RCAN2: variants seen among roughly 807,000 people sequenced by gnomAD.
RCAN2 encodes calcipressin-2.
RCAN2 carries 9 observed loss-of-function variants against 23.6 expected under a neutral mutation model. The observed-to-expected ratio is 0.38, with a 90% CI of 0.23 to 0.67. The LOEUF (loss-of-function observed/expected upper bound fraction) is 0.67, where lower values mean the gene tolerates loss of function less well. RCAN2 is among the 30% of genes least tolerant of loss of function. The pLI is 0.51. For synonymous variants in RCAN2, 109 were observed against 115.7 expected (o/e 0.94, Z 0.37); for missense variants, 273 against 302.3 (o/e 0.90, Z 0.72).
At chr6:46,405,525 C>T (rs1046578651) in intron 2 of RCAN2, among the ~76,000 whole-genome samples, 2 of 152,016 alleles carry the variant, frequency 1.3e-5, no homozygotes, top group Non-Finnish European at 2.9e-5. Context: ...TAGTTAGATA[C>T]AGAGTTTCAA....
intron 2 of RCAN2, among the ~76,000 whole-genome samples, chr6:46,277,534 G>A (rs986387170): frequency 1.8e-4 from 28 of 151,864 alleles, no homozygotes; most frequent in African/African-American, 5.8e-4. Context: ...CACTTTCTTC[G>A]AAGTAGACAA....
rs78036600 is a variant in RCAN2 at position 46,268,267 on chromosome 6, C to T, written c.226-19371G>A. On this transcript the variant is annotated intron_variant, in intron 2 of 4. Coordinates refer to ENST00000371374, the MANE Select transcript of RCAN2 (RefSeq NM_001251974.2). ...GCATTTCTACTGGTGTTGAAGAGAGCAGACATAAGCCATTATCTCATTGGT... is the reference window on the plus strand; with the variant it reads ...GCATTTCTACTGGTGTTGAAGAGAGTAGACATAAGCCATTATCTCATTGGT... 0.012 allele frequency among the ~76,000 whole-genome samples: 1,759 copies of T among 152,298 alleles called. 86 individuals are homozygous for T. The East Asian group carries it at 0.12, about 10-fold the overall frequency.
intron 2 of RCAN2, among the ~76,000 whole-genome samples, chr6:46,375,174 A>G (rs1261646870): frequency 1.3e-5 from 2 of 152,082 alleles, no homozygotes; most frequent in Non-Finnish European, 2.9e-5. Context: ...TGAACTCCTC[A>G]CCTCAAGTGA....
intron 2 of RCAN2, among the ~76,000 whole-genome samples, chr6:46,406,107 C>CAAGCGCT (rs1766398667): frequency 6.6e-6 from 1 of 152,220 alleles, no homozygotes; most frequent in Non-Finnish European, 1.5e-5. Context: ...AGCTGGCCCG[C>CAAGCGCT]AAGCGCTGCG....
intron 2 of RCAN2, among the ~76,000 whole-genome samples, chr6:46,252,813 G>T (rs893924177): frequency 1.3e-5 from 2 of 152,032 alleles, no homozygotes; most frequent in Non-Finnish European, 2.9e-5. Flanking sequence ...TTGACTGAAG[G>T]GTATGAAGAA....
At chr6:46,354,005 C>T (rs144175024) in intron 2 of RCAN2, among the ~76,000 whole-genome samples, 1 of 152,222 alleles carries the variant, frequency 6.6e-6, no homozygotes, top group East Asian at 1.9e-4. Flanking sequence ...GTATGGCAGA[C>T]ATCTTTTGTT....
chr6:46,234,103 G>A (rs1766005732), intron 4 of RCAN2, among the ~76,000 whole-genome samples: 1 of 152,194 alleles, frequency 6.6e-6, no homozygotes, highest in South Asian at 2.1e-4. Flanking sequence ...TGTGTTGGGG[G>A]AACACTCAGA....
intron 2 of RCAN2, among the ~76,000 whole-genome samples, chr6:46,339,324 T>C (rs6932825): frequency 0.026 from 3,882 of 152,184 alleles, 76 homozygotes; most frequent in Non-Finnish European, 0.041. Flanking sequence ...TATTTAAGTT[T>C]GGTGCAGGAA....
Position 46,456,978 on chromosome 6 carries a change from C to T in RCAN2, c.-2G>A, listed in dbSNP as rs1382184896. 3.2e-6 allele frequency: 5 copies of T among 1,541,320 alleles called. No homozygotes were observed. In the African/African-American group the frequency reaches 6.9e-5, roughly 21 times the overall value. The stretch of plus-strand genomic sequence containing the variant: ...GATGAAGTATGATTCTCCCCTCATT[C>T]CTGGGGATACAAAGATGAGCATGTG... On this transcript the variant is annotated splice_region_variant and 5_prime_UTR_variant, in exon 2 of 5. Coordinates refer to ENST00000371374, the MANE Select transcript of RCAN2 (RefSeq NM_001251974.2).
intron 4 of RCAN2, 91 bp downstream of exon 4, chr6:46,246,657 T>C (rs1486528300): frequency 2.9e-6 from 3 of 1,050,622 alleles, no homozygotes; most frequent in East Asian, 2.5e-5. Context: ...CAGATGTTAC[T>C]GTGAACCCAG....
At chr6:46,302,043 G>C (rs1582083036) in intron 2 of RCAN2, among the ~76,000 whole-genome samples, 2 of 152,174 alleles carry the variant, frequency 1.3e-5, no homozygotes, top group Admixed American at 1.3e-4. Context: ...GTAGAAACAA[G>C]GGGACTGTTA....
At chr6:46,332,387 C>T (rs530242873) in intron 2 of RCAN2, among the ~76,000 whole-genome samples, 6 of 151,836 alleles carry the variant, frequency 4.0e-5, no homozygotes, top group Admixed American at 6.6e-5. Flanking sequence ...TATACATGTG[C>T]CATGCGGGTG....
chr6:46,485,520 A>T (rs1175304898), intron 1 of RCAN2, among the ~76,000 whole-genome samples: 2 of 152,186 alleles, frequency 1.3e-5, no homozygotes, highest in African/African-American at 4.8e-5. Context: ...CCAAGAAAAA[A>T]AACAAAACAT....
intron 4 of RCAN2, among the ~76,000 whole-genome samples, chr6:46,224,653 A>G (rs1048013935): frequency 1.3e-5 from 2 of 152,152 alleles, no homozygotes; most frequent in Non-Finnish European, 2.9e-5. Flanking sequence ...GGAATCTGCT[A>G]TTCTCAGTCT....
chr6:46,242,562 C>T (rs1468761169), intron 4 of RCAN2, among the ~76,000 whole-genome samples: 1 of 152,204 alleles, frequency 6.6e-6, no homozygotes, highest in African/African-American at 2.4e-5. Flanking sequence ...ATGCAAAACT[C>T]CATTCCTTTG....
At chr6:46,443,540 T>A (rs9357508) in intron 2 of RCAN2, among the ~76,000 whole-genome samples, 1 of 151,764 alleles carries the variant, frequency 6.6e-6, no homozygotes, top group Admixed American at 6.6e-5. Context: ...CCCATCTCCC[T>A]TTTCTTCTCC....
In RCAN2 at chr6:46,456,910, C is replaced by T; in HGVS notation, c.67G>A (p.Gly23Arg). The T allele has an allele frequency of 6.4e-7, 1 of 1,550,762 alleles. No individual in the cohort carries two copies. Among genetic ancestry groups the T allele is most frequent in the East Asian group, 2.4e-5 (1 of 40,920 alleles). Residue 23 changes from glycine (G) to arginine (R), a missense_variant, in exon 2 of 5, where the codon GGA becomes AGA. Gly to Arg is a moderately radical substitution (Grantham distance 125). Coordinates refer to ENST00000371374, the MANE Select transcript of RCAN2 (RefSeq NM_001251974.2). ...PGQQGHVPED[G>R]GLFLLCCIDR... ...ATGCAGCACAGTAAGAAAAGTCCTC[C>T]ATCTTCAGGGACGTGTCCCTGCTGC...
intron 2 of RCAN2, among the ~76,000 whole-genome samples, chr6:46,400,002 A>G (rs1766204704): frequency 6.6e-6 from 1 of 152,124 alleles, no homozygotes; most frequent in African/African-American, 2.4e-5. Flanking sequence ...TGTCTCACAG[A>G]TTACCTCCTC....
intron 4 of RCAN2, among the ~76,000 whole-genome samples, chr6:46,244,080 G>A (rs1427216873): frequency 6.6e-6 from 1 of 152,012 alleles, no homozygotes; most frequent in Non-Finnish European, 1.5e-5. Flanking sequence ...CATAAAATGG[G>A]GATAATAATA....
Sources: allele counts gnomAD v4.1 joint callset (sites outside exome capture counted in the v4.1 genomes callset), GRCh38; gene constraint gnomAD v4.1.1; transcripts MANE v1.5; gene names NCBI Gene and HGNC (gene_info 2026-07-23, HGNC 2026-07-21).